ADRA2C: variants seen among roughly 807,000 people sequenced by gnomAD.
The protein encoded by ADRA2C is alpha-2C adrenergic receptor.
A neutral mutation model predicts 7.9 loss-of-function variants in ADRA2C; 4 were observed. The observed-to-expected ratio is 0.51, with a 90% CI of 0.25 to 1.16. The LOEUF is 1.16. ADRA2C is among the 50% of genes most tolerant of loss of function. The pLI is 0.15. For synonymous variants in ADRA2C, 368 were observed against 328.9 expected (o/e 1.12, Z -1.29); for missense variants, 589 against 677.7 (o/e 0.87, Z 1.45).
At position 3,767,715 on chromosome 4, in the gene ADRA2C, G is replaced by A. The variant is rs778590895; in HGVS notation, c.1109G>A (p.Arg370His). ...CGGGCGCGCAGCAGCGTGTGCCGCC[G>A]CAAGGTGGCCCAGGCGCGCGAGAAG... The part of the protein sequence containing the change: ...RRRARSSVCR[R>H]KVAQAREKRF... Residue 370 changes from arginine (R) to histidine (H), a missense_variant, in exon 1 of 1, where the codon CGC becomes CAC. By Grantham distance (29) the Arg-to-His change is conservative (BLOSUM62 0). Transcript: ENST00000330055. The A allele has an allele frequency of 1.2e-6, 2 of 1,609,986 alleles. No individual in the cohort carries two copies. Among genetic ancestry groups the A allele is most frequent in the Non-Finnish European group, 8.5e-7 (1 of 1,178,724 alleles).
rs1243932210 is a variant in ADRA2C, at chr4:3,767,947, C to G, written c.1341C>G (p.Ser447=). 1 of 1,611,212 alleles carries G rather than the reference C, an allele frequency of 6.2e-7. No individual in the cohort carries two copies. Among genetic ancestry groups the G allele is most frequent in the African/African-American group, 1.3e-5 (1 of 75,060 alleles). The change falls in exon 1 of 1, where the codon TCC becomes TCG. Residue 447 remains serine, a synonymous_variant. Transcript: ENST00000330055. The part of the protein sequence containing the change: ...YTVFNQDFRR[S]FKHILFRRRR... Reference sequence around the variant, plus strand: ...TCTTCAACCAGGATTTCCGGCGATCCTTTAAGCACATCCTCTTCCGACGGA... The same window carrying G: ...TCTTCAACCAGGATTTCCGGCGATCGTTTAAGCACATCCTCTTCCGACGGA...
chr4:3,766,510 A>T lies in ADRA2C; in HGVS notation c.-97A>T. ...TCCCCGGCGGGCGCGCCCGAGCAGCAGGCGGCGATGCGGGCGCCGACCCCG... is the reference window on the plus strand; with the variant it reads ...TCCCCGGCGGGCGCGCCCGAGCAGCTGGCGGCGATGCGGGCGCCGACCCCG... On this transcript the variant is annotated 5_prime_UTR_variant, in exon 1 of 1. Coordinates refer to ENST00000330055, the MANE Select transcript of ADRA2C (RefSeq NM_000683.4). The surrounding 1 kb of genome is among the most constrained non-coding windows in gnomAD (Gnocchi z 4.5). The T allele has an allele frequency of 1.1e-6, 1 of 870,260 alleles. No individual in the cohort carries two copies. The highest frequency in any genetic ancestry group is 1.4e-6 in the Non-Finnish European group (1 of 724,440). 53.9% of individuals were successfully genotyped at this position (870,260 alleles called of 1,614,324 possible). A position where few individuals can be genotyped will look rare whatever the true frequency, so the allele number is the denominator to read the frequency against.
rs878891327 is a variant in ADRA2C at position 3,767,515 on chromosome 4, G to A, written c.909G>A (p.Arg303=). The A allele has an allele frequency of 9.7e-7, 1 of 1,025,782 alleles. No individual in the cohort carries two copies. The highest frequency in any genetic ancestry group is 1.2e-6 in the Non-Finnish European group (1 of 858,132). The allele number at this position is 1,025,782 out of a possible 1,614,324, so 63.5% of individuals were successfully genotyped here. A position where few individuals can be genotyped will look rare whatever the true frequency, so the allele number is the denominator to read the frequency against. Residue 303 remains arginine, a synonymous_variant, in exon 1 of 1, where the codon CGG becomes CGA. Transcript: ENST00000330055. The stretch of plus-strand genomic sequence containing the variant: ...GGCGGCGCCGGGGCGCGTTGCGGCG[G>A]GGCGGGCGGCGGCGAGCGGGCGCGG... ...ERRRRRGALR[R]GGRRRAGAEG...
Position 3,766,982 on chromosome 4 carries a change from G to C in ADRA2C, c.376G>C (p.Val126Leu), listed in dbSNP as rs1462572210. The C allele has an allele frequency of 6.2e-7, 1 of 1,611,084 alleles. No individual in the cohort carries two copies. The highest frequency in any genetic ancestry group is 1.1e-5 in the South Asian group (1 of 91,078). ...GTACTTCGGGCAGGTGTGGTGCGGCGTGTACCTGGCGCTCGATGTGCTGTT... is the reference window on the plus strand; with the variant it reads ...GTACTTCGGGCAGGTGTGGTGCGGCCTGTACCTGGCGCTCGATGTGCTGTT... ...YWYFGQVWCG[V>L]YLALDVLFCT... is the part of the protein sequence containing the mutation. The change falls in exon 1 of 1, where the codon GTG becomes CTG. Residue 126 changes from valine to leucine, a missense_variant. Physicochemically the swap from Val to Leu is conservative, Grantham distance 32. Coordinates refer to ENST00000330055, the MANE Select transcript of ADRA2C (RefSeq NM_000683.4). This position sits in a 1 kb window ranked among gnomAD's most constrained non-coding sequence, Gnocchi z 4.5.
In ADRA2C at chr4:3,766,856, GCGC is replaced by G; in HGVS notation, c.252_254del (p.Pro85del). On this transcript the variant is annotated inframe_deletion, in exon 1 of 1. Transcript: ENST00000330055. The surrounding 1 kb of genome is among the most constrained non-coding windows in gnomAD (Gnocchi z 4.5). ...CGTGCTGACCAGCCGGGCGCTGCGCGCGCCACAGAACCTCTTCCTGGTGTCGCT... is the reference window on the plus strand; with the variant it reads ...CGTGCTGACCAGCCGGGCGCTGCGCGCACAGAACCTCTTCCTGGTGTCGCT... 4 of 1,598,654 alleles carry G rather than the reference GCGC, an allele frequency of 2.5e-6. No homozygotes were observed. The highest frequency in any genetic ancestry group is 3.4e-6 in the Non-Finnish European group (4 of 1,173,598).
In ADRA2C at chr4:3,766,587, G is replaced by A. The variant is rs1422938793; in HGVS notation, c.-20G>A. The A allele has an allele frequency of 1.7e-6, 2 of 1,163,226 alleles. No individual in the cohort carries two copies. Among genetic ancestry groups the A allele is most frequent in the Admixed American group, 9.5e-5 (2 of 21,142 alleles). 72.1% of individuals were successfully genotyped at this position (1,163,226 alleles called of 1,614,324 possible). On this transcript the variant is annotated 5_prime_UTR_variant, in exon 1 of 1. Coordinates refer to ENST00000330055, the MANE Select transcript of ADRA2C (RefSeq NM_000683.4). The surrounding 1 kb of genome is among the most constrained non-coding windows in gnomAD (Gnocchi z 4.5). The stretch of plus-strand genomic sequence containing the variant: ...CTGCGCCCCGGCTCCAGGAGGGACG[G>A]CGTAGCTCGCGGGAGGACCATGGCG...
Position 3,768,060 on chromosome 4 carries a change from A to AAGGGGGAGCTTTCCCAGAGAC in ADRA2C, c.*65_*66insAGGGGGAGCTTTCCCAGAGAC. On this transcript the variant is annotated 3_prime_UTR_variant, in exon 1 of 1. Transcript: ENST00000330055. Reference sequence around the variant, plus strand: ...GGGCTGGGCAGAAGGGGCGGCCCGGACGGGGGAGCTTTCCCAGAGACCCGG... The same window carrying AAGGGGGAGCTTTCCCAGAGAC: ...GGGCTGGGCAGAAGGGGCGGCCCGGAAGGGGGAGCTTTCCCAGAGACCGGGGGAGCTTTCCCAGAGACCCGG... 1 of 237,332 alleles carries AAGGGGGAGCTTTCCCAGAGAC rather than the reference A, an allele frequency of 4.2e-6. No homozygotes were observed. Among genetic ancestry groups the AAGGGGGAGCTTTCCCAGAGAC allele is most frequent in the Non-Finnish European group, 6.3e-6 (1 of 158,192 alleles). 14.7% of individuals were successfully genotyped at this position (237,332 alleles called of 1,614,324 possible).
chr4:3,767,379 C>G lies in ADRA2C; in HGVS notation c.773C>G (p.Pro258Arg), dbSNP rs1162481529. 1 of 1,538,838 alleles carries G rather than the reference C, an allele frequency of 6.5e-7. No homozygotes were observed. Among genetic ancestry groups the G allele is most frequent in the Non-Finnish European group, 8.7e-7 (1 of 1,146,364 alleles). Residue 258 changes from proline to arginine, a missense_variant, in exon 1 of 1, where the codon CCG (proline) becomes CGG (arginine). By Grantham distance (103) the Pro-to-Arg change is moderately radical. Transcript: ENST00000330055. Reference sequence around the variant, plus strand: ...CCCGTGGGCCCCGACGGTGCGTCCCCGACTACCGAAAACGGGCTGGGCGCG... The same window carrying G: ...CCCGTGGGCCCCGACGGTGCGTCCCGGACTACCGAAAACGGGCTGGGCGCG... The part of the protein sequence containing the change: ...RAPVGPDGAS[P>R]TTENGLGAAA...
At position 3,767,080 on chromosome 4, in the gene ADRA2C, G is replaced by C. The variant is rs527926159; in HGVS notation, c.474G>C (p.Glu158Asp). 4 of 1,610,380 alleles carry C rather than the reference G, an allele frequency of 2.5e-6. No homozygotes were observed. In the African/African-American group the frequency reaches 5.3e-5, roughly 21 times the overall value. ...DRYWSVTQAVEYNLKRTPRRV... is the reference protein window; with the variant it reads ...DRYWSVTQAVDYNLKRTPRRV... ...ACTGGTCGGTGACGCAGGCCGTCGA[G>C]TACAACCTGAAGCGCACACCACGCC... The change falls in exon 1 of 1, where the codon GAG becomes GAC. Residue 158 changes from glutamate (E) to aspartate (D), a missense_variant. Glu to Asp is a conservative substitution (Grantham distance 45). Coordinates refer to ENST00000330055, the MANE Select transcript of ADRA2C (RefSeq NM_000683.4).
Position 3,766,802 on chromosome 4 carries a change from G to A in ADRA2C, c.196G>A (p.Val66Met), listed in dbSNP as rs755781447. The A allele has an allele frequency of 3.2e-6, 5 of 1,569,638 alleles. No individual in the cohort carries two copies. The South Asian group carries it at 4.7e-5, about 15-fold the overall frequency. Residue 66 changes from valine (V) to methionine (M), a missense_variant, in exon 1 of 1, where the codon GTG becomes ATG. By Grantham distance (21) the Val-to-Met change is conservative. Coordinates refer to ENST00000330055, the MANE Select transcript of ADRA2C (RefSeq NM_000683.4). The surrounding 1 kb of genome is among the most constrained non-coding windows in gnomAD (Gnocchi z 4.5). ...AVVGFLIVFT[V>M]VGNVLVVIAV... ...GGTGGGCTTCCTCATCGTCTTCACC[G>A]TGGTGGGCAACGTGCTGGTGGTGAT...
chr4:3,767,426 G>T lies in ADRA2C; in HGVS notation c.820G>T (p.Gly274Trp). The T allele has an allele frequency of 2.0e-6, 3 of 1,521,860 alleles. No homozygotes were observed. The highest frequency in any genetic ancestry group is 1.2e-5 in the South Asian group (1 of 82,070). The allele number at this position is 1,521,860 out of a possible 1,614,324, so 94.3% of individuals were successfully genotyped here. ...CGCGGCGGCAGGCGCAGGCGAGAAC[G>T]GGCACTGCGCGCCCCCGCCCGCCGA... The part of the protein sequence containing the change: ...LGAAAGAGEN[G>W]HCAPPPADVE... The change falls in exon 1 of 1, where the codon GGG becomes TGG. Residue 274 changes from glycine (G) to tryptophan (W), a missense_variant. Transcript: ENST00000330055.
chr4:3,767,422 G>A lies in ADRA2C; in HGVS notation c.816G>A (p.Glu272=), dbSNP rs1206174325. The A allele has an allele frequency of 6.6e-7, 1 of 1,525,392 alleles. No homozygotes were observed. Among genetic ancestry groups the A allele is most frequent in the Non-Finnish European group, 8.8e-7 (1 of 1,142,472 alleles). The allele number at this position is 1,525,392 out of a possible 1,614,324, so 94.5% of individuals were successfully genotyped here. Residue 272 remains glutamate, a synonymous_variant, in exon 1 of 1, where the codon GAG becomes GAA. Coordinates refer to ENST00000330055, the MANE Select transcript of ADRA2C (RefSeq NM_000683.4). The stretch of plus-strand genomic sequence containing the variant: ...TGGGCGCGGCGGCAGGCGCAGGCGA[G>A]AACGGGCACTGCGCGCCCCCGCCCG... The part of the protein sequence containing the change: ...NGLGAAAGAG[E]NGHCAPPPAD...
At position 3,767,257 on chromosome 4, in the gene ADRA2C, C is replaced by T; in HGVS notation, c.651C>T (p.Gly217=). 6.2e-7 allele frequency: 1 copy of T among 1,608,354 alleles called. No individual in the cohort carries two copies. Among genetic ancestry groups the T allele is most frequent in the Non-Finnish European group, 8.5e-7 (1 of 1,178,118 alleles). ...GGTACATCCTGTCCTCCTGCATCGG[C>T]TCCTTCTTCGCGCCCTGCCTCATCA... is the stretch of plus-strand genomic sequence containing the variant. ...ETWYILSSCI[G]SFFAPCLIMG... Residue 217 remains glycine (G), a synonymous_variant, in exon 1 of 1, where the codon GGC becomes GGT. Transcript: ENST00000330055.
In ADRA2C at chr4:3,768,305, G is replaced by A. The variant is rs1379740548; in HGVS notation, c.*310G>A. ...AGGGTTTTAGAGAGCAGTGGCAGAG[G>A]TAGCCCCCTAAATGGGCAAGCAAGG... On this transcript the variant is annotated 3_prime_UTR_variant, in exon 1 of 1. Coordinates refer to ENST00000330055, the MANE Select transcript of ADRA2C (RefSeq NM_000683.4). 2 of 717,098 alleles carry A rather than the reference G, an allele frequency of 2.8e-6. No homozygotes were observed. The highest frequency in any genetic ancestry group is 1.5e-5 in the South Asian group (1 of 67,592). 44.4% of individuals were successfully genotyped at this position (717,098 alleles called of 1,614,324 possible). A position where few individuals can be genotyped will look rare whatever the true frequency, so the allele number is the denominator to read the frequency against.
Position 3,767,501 on chromosome 4 carries a change from G to A in ADRA2C, c.895G>A (p.Gly299Ser). 1.8e-6 allele frequency: 2 copies of A among 1,107,890 alleles called. No homozygotes were observed. Among genetic ancestry groups the A allele is most frequent in the Non-Finnish European group, 2.2e-6 (2 of 909,898 alleles). The allele number at this position is 1,107,890 out of a possible 1,614,324, so 68.6% of individuals were successfully genotyped here. ...SAAAERRRRRGALRRGGRRRA... is the reference protein window; with the variant it reads ...SAAAERRRRRSALRRGGRRRA... ...AGCGGCCGAGAGGCGGCGGCGCCGG[G>A]GCGCGTTGCGGCGGGGCGGGCGGCG... The change falls in exon 1 of 1, where the codon GGC (glycine) becomes AGC (serine). Residue 299 changes from glycine (G) to serine (S), a missense_variant. By Grantham distance (56) the Gly-to-Ser change is moderately conservative. Transcript: ENST00000330055.
In ADRA2C at chr4:3,767,203, C is replaced by T. The variant is rs1036635279; in HGVS notation, c.597C>T (p.Tyr199=). 3.1e-6 allele frequency: 5 copies of T among 1,610,640 alleles called. No individual in the cohort carries two copies. Among genetic ancestry groups the T allele is most frequent in the Middle Eastern group, 1.6e-4 (1 of 6,062 alleles). The change falls in exon 1 of 1, where the codon TAC becomes TAT. Residue 199 remains tyrosine, a synonymous_variant. Coordinates refer to ENST00000330055, the MANE Select transcript of ADRA2C (RefSeq NM_000683.4). The stretch of plus-strand genomic sequence containing the variant: ...ACCGCCAGCCCGACGGCGCCGCCTA[C>T]CCGCAGTGCGGCCTCAACGACGAGA... ...SLYRQPDGAA[Y]PQCGLNDETW...
chr4:3,767,979 G>C lies in ADRA2C; in HGVS notation c.1373G>C (p.Arg458Thr). The C allele has an allele frequency of 6.2e-7, 1 of 1,607,764 alleles. No individual in the cohort carries two copies. Among genetic ancestry groups the C allele is most frequent in the Non-Finnish European group, 8.5e-7 (1 of 1,178,778 alleles). Residue 458 changes from arginine (R) to threonine (T), a missense_variant, in exon 1 of 1, where the codon AGG (arginine) becomes ACG (threonine). Physicochemically the swap from Arg to Thr is moderately conservative, Grantham distance 71. Coordinates refer to ENST00000330055, the MANE Select transcript of ADRA2C (RefSeq NM_000683.4). ...FKHILFRRRR[R>T]GFRQ ...CACATCCTCTTCCGACGGAGGAGAA[G>C]GGGCTTCAGGCAGTGACTCGCACCC...
rs1178877075 is a variant in ADRA2C, at chr4:3,766,988, C to T, written c.382C>T (p.Leu128=). The T allele has an allele frequency of 3.1e-6, 5 of 1,611,102 alleles. No individual in the cohort carries two copies. Among genetic ancestry groups the T allele is most frequent in the Non-Finnish European group, 3.4e-6 (4 of 1,179,914 alleles). The change falls in exon 1 of 1, where the codon CTG becomes TTG. Residue 128 remains leucine (L), a synonymous_variant. Coordinates refer to ENST00000330055, the MANE Select transcript of ADRA2C (RefSeq NM_000683.4). This position sits in a 1 kb window ranked among gnomAD's most constrained non-coding sequence, Gnocchi z 4.5. The part of the protein sequence containing the change: ...YFGQVWCGVY[L]ALDVLFCTSS... ...CGGGCAGGTGTGGTGCGGCGTGTAC[C>T]TGGCGCTCGATGTGCTGTTTTGCAC...
chr4:3,767,205 C>T lies in ADRA2C; in HGVS notation c.599C>T (p.Pro200Leu), dbSNP rs775140301. ...LYRQPDGAAYPQCGLNDETWY... is the reference protein window; with the variant it reads ...LYRQPDGAAYLQCGLNDETWY... ...CGCCAGCCCGACGGCGCCGCCTACCCGCAGTGCGGCCTCAACGACGAGACC... is the reference window on the plus strand; with the variant it reads ...CGCCAGCCCGACGGCGCCGCCTACCTGCAGTGCGGCCTCAACGACGAGACC... Residue 200 changes from proline to leucine, a missense_variant, in exon 1 of 1, where the codon CCG (proline) becomes CTG (leucine). Coordinates refer to ENST00000330055, the MANE Select transcript of ADRA2C (RefSeq NM_000683.4). The T allele has an allele frequency of 5.6e-6, 9 of 1,610,544 alleles. No individual in the cohort carries two copies. The highest frequency in any genetic ancestry group is 2.2e-5 in the East Asian group (1 of 44,816).
Sources: gnomAD v4.1 joint callset for allele counts on GRCh38, gnomAD v4.1.1 for gene constraint, Gnocchi (gnomAD v3.1) non-coding constraint, MANE v1.5 for transcripts, NCBI Gene and HGNC (gene_info 2026-07-23, HGNC 2026-07-21) for gene names.